The following DNAH9 variants were observed in gnomAD, a reference collection of about 807,000 sequenced individuals.
DNAH9 encodes dynein axonemal heavy chain 9.
DNAH9 carries 345 observed loss-of-function variants against 471.6 expected under a neutral mutation model. The observed-to-expected ratio is 0.73, with a 90% CI of 0.67 to 0.80. The LOEUF is 0.80. Ranked by LOEUF, DNAH9 falls within the 30% of genes least tolerant of loss-of-function variation. The probability of loss-of-function intolerance (pLI) is 0.00; values close to 1 mark genes in which losing one functional copy is unlikely to be tolerated. For missense variants in DNAH9, 5,407 were observed against 5,609.2 expected, an observed-to-expected ratio of 0.96 and a Z score of 1.15; for synonymous variants, 2,093 against 2,123.6, an observed-to-expected ratio of 0.99 and a Z score of 0.40.
chr17:11,930,161 G>A, intron 63 of DNAH9, 68 bp downstream of exon 63: 1 of 1,360,610 alleles, frequency 7.3e-7, no homozygotes, highest in Non-Finnish European at 1.0e-6. Context: ...ACTGGTGGGG[G>A]GAGAGCATGC....
chr17:11,934,645 G>T (rs1196294672), intron 65 of DNAH9, among the ~76,000 whole-genome samples: 1 of 151,874 alleles, frequency 6.6e-6, no homozygotes, highest in Non-Finnish European at 1.5e-5. Context: ...GTAGAGACGG[G>T]GTTTCACCCT....
At chr17:11,823,141 G>T in intron 48 of DNAH9, 107 bp downstream of exon 48, 1 of 952,062 alleles carries the variant, frequency 1.1e-6, no homozygotes, top group Non-Finnish European at 1.5e-6. Context: ...AAATATGTAC[G>T]GTTTTCCAGA....
At chr17:11,698,205 A>ATT (rs1368016453) in intron 22 of DNAH9, among the ~76,000 whole-genome samples, 2,354 of 119,924 alleles carry the variant, frequency 0.02, 155 homozygotes, top group South Asian at 0.082. Context: ...ATAATATATT[A>ATT]ATAATATAAT....
intron 67 of DNAH9, among the ~76,000 whole-genome samples, chr17:11,951,052 A>C (rs1339967250): frequency 6.6e-6 from 1 of 152,212 alleles, no homozygotes; most frequent in East Asian, 1.9e-4. Flanking sequence ...CGACATTCAC[A>C]TGTGCAGTAT....
At chr17:11,658,193 T>C (rs911718028) in intron 14 of DNAH9, among the ~76,000 whole-genome samples, 1 of 152,156 alleles carries the variant, frequency 6.6e-6, no homozygotes, top group Non-Finnish European at 1.5e-5. Context: ...CTAATTTTTC[T>C]CTGCAATGCT....
chr17:11,756,809 T>A (rs979129975), intron 34 of DNAH9, 133 bp downstream of exon 34: 1 of 649,800 alleles, frequency 1.5e-6, no homozygotes, highest in East Asian at 2.6e-5. Context: ...TTTTGTGAAT[T>A]TGGAAATGTT....
chr17:11,875,117 C>G lies in DNAH9; in HGVS notation c.10411C>G (p.Gln3471Glu). 2 of 1,614,142 alleles carry G rather than the reference C, an allele frequency of 1.2e-6. No individual in the cohort carries two copies. Among genetic ancestry groups the G allele is most frequent in the Non-Finnish European group, 1.7e-6 (2 of 1,180,028 alleles). The change falls in exon 53 of 69, where the codon CAA becomes GAA. Residue 3471 changes from glutamine to glutamate, a missense_variant. Physicochemically the swap from Gln to Glu is conservative, Grantham distance 29. Transcript: ENST00000262442. Reference protein sequence around the residue: ...RWPLMVDPQLQGIKWIKNKYG... With the variant: ...RWPLMVDPQLEGIKWIKNKYG... Reference sequence around the variant, plus strand: ...GCCACTCATGGTTGACCCTCAGCTACAAGGCATCAAATGGATCAAGAATAA... The same window carrying G: ...GCCACTCATGGTTGACCCTCAGCTAGAAGGCATCAAATGGATCAAGAATAA...
intron 53 of DNAH9, 57 bp from the exon 54 acceptor site, chr17:11,880,021 C>T (rs1048283702): frequency 6.2e-7 from 1 of 1,603,944 alleles, no homozygotes; most frequent in Non-Finnish European, 8.5e-7. Flanking sequence ...ATTAAATGGT[C>T]TCAACTCCAT....
At chr17:11,642,814 C>T (rs2073302682) in intron 10 of DNAH9, among the ~76,000 whole-genome samples, 1 of 152,162 alleles carries the variant, frequency 6.6e-6, no homozygotes, top group South Asian at 2.1e-4. Context: ...GGAAAGCGCC[C>T]ATTCGGGCTG....
At chr17:11,702,553 A>C (rs1055917546) in intron 24 of DNAH9, among the ~76,000 whole-genome samples, 30 of 152,222 alleles carry the variant, frequency 2.0e-4, no homozygotes, top group Admixed American at 6.5e-5. Flanking sequence ...AGGAAGGAGG[A>C]ACCAGTAAAG....
intron 67 of DNAH9, 61 bp downstream of exon 67, chr17:11,942,546 T>G (rs1421029799): frequency 2.6e-6 from 4 of 1,531,622 alleles, no homozygotes; most frequent in South Asian, 2.5e-5. Flanking sequence ...TGGACCCCTA[T>G]GGGGAAGAAG....
chr17:11,805,421 A>G (rs1394368923), intron 43 of DNAH9, among the ~76,000 whole-genome samples: 1 of 150,676 alleles, frequency 6.6e-6, no homozygotes, highest in Non-Finnish European at 1.5e-5. Flanking sequence ...TGGCATTTCT[A>G]ATTATAACAT....
At chr17:11,738,529 C>A (rs1248576592) in intron 28 of DNAH9, among the ~76,000 whole-genome samples, 1 of 152,190 alleles carries the variant, frequency 6.6e-6, no homozygotes, top group African/African-American at 2.4e-5. Context: ...TACAGATGCA[C>A]ACCACCATAC....
At chr17:11,624,024 T>C (rs1221089469) in intron 6 of DNAH9, among the ~76,000 whole-genome samples, 1 of 152,188 alleles carries the variant, frequency 6.6e-6, no homozygotes, top group African/African-American at 2.4e-5. Flanking sequence ...TATTTTTCGG[T>C]GTCTGCAGTA....
At chr17:11,670,877 A>G (rs1034253279) in intron 17 of DNAH9, among the ~76,000 whole-genome samples, 49 of 152,144 alleles carry the variant, frequency 3.2e-4, no homozygotes, top group East Asian at 7.7e-4. Context: ...GTAATTTTGT[A>G]CTTTTAGTGG....
chr17:11,809,468 G>A (rs757084310), intron 44 of DNAH9, among the ~76,000 whole-genome samples: 2 of 152,184 alleles, frequency 1.3e-5, no homozygotes, highest in African/African-American at 2.4e-5. Flanking sequence ...TTGGGAGGCT[G>A]AGGCAGGAGA....
In DNAH9 at chr17:11,728,101, TCC is replaced by T. The variant is rs2075189184; in HGVS notation, c.5814+180_5814+181del. ...GGGAAGCTGTCCTCCAAAATGGGTA[TCC>T]TTCTGTTACCCACCAAAGTAGAACC... is the stretch of plus-strand genomic sequence containing the variant. On this transcript the variant is annotated intron_variant, in intron 28 of 68. Transcript: ENST00000262442. 5.1e-6 allele frequency: 3 copies of T among 588,694 alleles called. No individual in the cohort carries two copies. The African/African-American group carries it at 5.6e-5, about 11-fold the overall frequency. The allele number at this position is 588,694 out of a possible 1,614,324, so 36.5% of individuals were successfully genotyped here.
intron 14 of DNAH9, among the ~76,000 whole-genome samples, chr17:11,663,970 T>G (rs1020151917): frequency 6.6e-6 from 1 of 152,224 alleles, no homozygotes; most frequent in Admixed American, 6.5e-5. Context: ...CATGAGATTG[T>G]TTAAATCCAG....
At chr17:11,686,167 T>C (rs906776654) in intron 19 of DNAH9, among the ~76,000 whole-genome samples, 1 of 152,092 alleles carries the variant, frequency 6.6e-6, no homozygotes, top group Non-Finnish European at 1.5e-5. Context: ...ATACAGACGG[T>C]ACTGAGATTC....
Sources: allele counts gnomAD v4.1 joint callset (sites outside exome capture counted in the v4.1 genomes callset), GRCh38; gene constraint gnomAD v4.1.1; transcripts MANE v1.5; gene names NCBI Gene and HGNC (gene_info 2026-07-23, HGNC 2026-07-21).